Variants in CELSR1 observed in about 807,000 individuals in gnomAD.
CELSR1 encodes the protein cadherin EGF LAG seven-pass G-type receptor 1.
Under a neutral mutation model 249.1 loss-of-function variants are expected in CELSR1, and 110 were observed. The observed-to-expected ratio is 0.44, with a 90% CI of 0.38 to 0.52. CELSR1 has a LOEUF of 0.52. CELSR1 is among the 20% of genes least tolerant of loss of function. CELSR1 has a pLI of 0.00. For synonymous variants in CELSR1, 2,113 were observed against 1,900.0 expected (o/e 1.11, Z -2.92); for missense variants, 4,109 against 4,296.4 (o/e 0.96, Z 1.22).
chr22:46,419,290 C>T (rs563296051), intron 5 of CELSR1, among the ~76,000 whole-genome samples: 2 of 152,314 alleles, frequency 1.3e-5, no homozygotes, highest in African/African-American at 2.4e-5. Context: ...TGAGATACAG[C>T]GCCTTCTTGG....
intron 4 of CELSR1, among the ~76,000 whole-genome samples, chr22:46,435,659 C>T (rs1004192081): frequency 1.3e-5 from 2 of 152,110 alleles, no homozygotes; most frequent in Non-Finnish European, 2.9e-5. Flanking sequence ...ACCAGATCGT[C>T]CACATTTCCA....
chr22:46,443,001 G>A (rs2079771143), intron 2 of CELSR1, among the ~76,000 whole-genome samples: 1 of 152,204 alleles, frequency 6.6e-6, no homozygotes, highest in African/African-American at 2.4e-5. Flanking sequence ...AGGAGGCTGA[G>A]GCAGGAGAAT....
Position 46,391,529 on chromosome 22 carries a change from C to A in CELSR1, c.6148+104G>T, listed in dbSNP as rs1602067331. On this transcript the variant is annotated intron_variant, in intron 15 of 34. Coordinates refer to ENST00000674500, the MANE Select transcript of CELSR1 (RefSeq NM_001378328.1). The surrounding 1 kb of genome is among the most constrained non-coding windows in gnomAD (Gnocchi z 4.3). Reference sequence around the variant, plus strand: ...CAAGAGAACTCAGAACACGAGGGAGCCCAGGGTCCCCCAAACACCCAGCGT... The same window carrying A: ...CAAGAGAACTCAGAACACGAGGGAGACCAGGGTCCCCCAAACACCCAGCGT... The A allele has an allele frequency of 2.3e-6, 3 of 1,319,008 alleles. No individual in the cohort carries two copies. In the South Asian group the frequency reaches 4.6e-5, roughly 20 times the overall value. The allele number at this position is 1,319,008 out of a possible 1,614,324, so 81.7% of individuals were successfully genotyped here. A position where few individuals can be genotyped will look rare whatever the true frequency, so the allele number is the denominator to read the frequency against.
chr22:46,469,693 T>G (rs1569186431), intron 1 of CELSR1, among the ~76,000 whole-genome samples: 1 of 151,736 alleles, frequency 6.6e-6, no homozygotes, highest in East Asian at 2.0e-4. Context: ...TTTTTGTATT[T>G]TTAGTAGACG....
intron 1 of CELSR1, among the ~76,000 whole-genome samples, chr22:46,508,670 G>A (rs756841731): frequency 5.3e-5 from 8 of 152,134 alleles, no homozygotes; most frequent in Admixed American, 1.3e-4. Context: ...CCCATGGCGC[G>A]TCGCCTTCCA....
intron 1 of CELSR1, among the ~76,000 whole-genome samples, chr22:46,522,831 A>G (rs1232917017): frequency 3.3e-5 from 5 of 152,194 alleles, no homozygotes; most frequent in Non-Finnish European, 7.4e-5. Flanking sequence ...GCGTCAGGCA[A>G]TCTGAACGGG....
chr22:46,391,647 G>A lies in CELSR1; in HGVS notation c.6134C>T (p.Thr2045Met), dbSNP rs12169391. 1.7e-3 allele frequency: 2,796 copies of A among 1,603,540 alleles called. 51 individuals carry two copies. In the African/African-American group the frequency reaches 0.032, roughly 18 times the overall value. The change falls in exon 15 of 35, where the codon ACG (threonine) becomes ATG (methionine). Residue 2045 changes from threonine (T) to methionine (M), a missense_variant. Coordinates refer to ENST00000674500, the MANE Select transcript of CELSR1 (RefSeq NM_001378328.1). This position sits in a 1 kb window ranked among gnomAD's most constrained non-coding sequence, Gnocchi z 4.3. ...GCAACGCGGACCTTCACAGCCGAGC[G>A]TGGTGACCTCGGCAAACGGGTTGTC... The part of the protein sequence containing the change: ...RCDNPFAEVT[T>M]LGCEVIYNGC...
Position 46,369,774 on chromosome 22 carries a change from T to C in CELSR1, c.7790A>G (p.Tyr2597Cys), listed in dbSNP as rs1310130117. ...CAGCCAGCAGAAGTCGGGGTTCCCGTAGCCCTGGGGGTCCAGGCCGACCGC... is the reference window on the plus strand; with the variant it reads ...CAGCCAGCAGAAGTCGGGGTTCCCGCAGCCCTGGGGGTCCAGGCCGACCGC... ...GLAVGLDPQG[Y>C]GNPDFCWLSL... Residue 2597 changes from tyrosine (Y) to cysteine (C), a missense_variant, in exon 26 of 35, where the codon TAC becomes TGC. By Grantham distance (194) the Tyr-to-Cys change is radical. Coordinates refer to ENST00000674500, the MANE Select transcript of CELSR1 (RefSeq NM_001378328.1). The C allele has an allele frequency of 1.2e-6, 2 of 1,613,136 alleles. No homozygotes were observed.
At position 46,500,028 on chromosome 22, in the gene CELSR1, T is replaced by A. The variant is rs2080451306; in HGVS notation, c.3544+33599A>T. On this transcript the variant is annotated intron_variant, in intron 1 of 34. Transcript: ENST00000674500. This position sits in a 1 kb window ranked among gnomAD's most constrained non-coding sequence, Gnocchi z 4.9. The stretch of plus-strand genomic sequence containing the variant: ...TGGCTCAAGGCTCAGCGGCGACCTC[T>A]CCCGCTTATCTTCCCAAACGGGTTG... 6.6e-6 allele frequency among the ~76,000 whole-genome samples: 1 copy of A among 151,996 alleles called. No homozygotes were observed.
intron 1 of CELSR1, among the ~76,000 whole-genome samples, chr22:46,496,082 T>C (rs2080410443): frequency 6.6e-6 from 1 of 151,072 alleles, no homozygotes; most frequent in Admixed American, 6.6e-5. Context: ...TAATCCTAGC[T>C]ACTCGGGAGG....
intron 1 of CELSR1, chr22:46,481,249 A>AAT (rs55954176): frequency 1.6e-5 from 6 of 376,030 alleles, no homozygotes; most frequent in Non-Finnish European, 3.0e-5. Context: ...TCTCAAAAAA[A>AAT]AAAAAGACTA....
Position 46,436,220 on chromosome 22 carries a change from G to C in CELSR1, c.4476C>G (p.Ile1492Met). The change falls in exon 4 of 35, where the codon ATC becomes ATG. Residue 1492 changes from isoleucine to methionine, a missense_variant. Physicochemically the swap from Ile to Met is conservative, Grantham distance 10. Transcript: ENST00000674500. The surrounding 1 kb of genome is among the most constrained non-coding windows in gnomAD (Gnocchi z 5.9). Reference protein sequence around the residue: ...NGRFNEKHDFIALEIVDEQVQ... With the variant: ...NGRFNEKHDFMALEIVDEQVQ... ...CCTGCTCGTCCACGATCTCCAGGGC[G>C]ATGAAGTCGTGCTTCTCATTGAAGC... 1 of 1,614,114 alleles carries C rather than the reference G, an allele frequency of 6.2e-7. No individual in the cohort carries two copies. The highest frequency in any genetic ancestry group is 8.5e-7 in the Non-Finnish European group (1 of 1,180,010).
At chr22:46,364,359 C>T in intron 33 of CELSR1, 108 bp from the exon 34 acceptor site, 1 of 1,526,782 alleles carries the variant, frequency 6.5e-7, no homozygotes, top group Non-Finnish European at 8.8e-7. Flanking sequence ...CCTCCTGGTT[C>T]CCCGGGTCCC....
intron 1 of CELSR1, among the ~76,000 whole-genome samples, chr22:46,476,606 A>G (rs983622644): frequency 2.7e-4 from 41 of 152,066 alleles, no homozygotes; most frequent in Non-Finnish European, 5.0e-4. Flanking sequence ...AAAAAAAAAA[A>G]AAAAAAAGAG....
intron 2 of CELSR1, among the ~76,000 whole-genome samples, chr22:46,451,086 G>A (rs550461485): frequency 6.6e-6 from 1 of 152,226 alleles, no homozygotes; most frequent in East Asian, 1.9e-4. Flanking sequence ...GGGAACTGCT[G>A]TCTGTCAGCA....
intron 9 of CELSR1, among the ~76,000 whole-genome samples, chr22:46,403,863 C>T (rs1414027394): frequency 6.7e-6 from 1 of 148,216 alleles, no homozygotes. Context: ...ATTCCAGCTA[C>T]TAAGGAGGCT....
At position 46,472,610 on chromosome 22, in the gene CELSR1, G is replaced by A. The variant is rs1205904801; in HGVS notation, c.3545-8265C>T. On this transcript the variant is annotated intron_variant, in intron 1 of 34. Coordinates refer to ENST00000674500, the MANE Select transcript of CELSR1 (RefSeq NM_001378328.1). The surrounding 1 kb of genome is among the most constrained non-coding windows in gnomAD (Gnocchi z 7.0). ...AAAAGCAGCAAAACCAGCAAGGCAT[G>A]GGGACGGGTGGCATCAGCTCCCGGG... 6.6e-6 allele frequency among the ~76,000 whole-genome samples: 1 copy of A among 152,252 alleles called. No homozygotes were observed. The highest frequency in any genetic ancestry group is 1.5e-5 in the Non-Finnish European group (1 of 68,040).
Position 46,391,423 on chromosome 22 carries a change from C to T in CELSR1, c.6149-136G>A, listed in dbSNP as rs1350057893. 3.3e-6 allele frequency: 3 copies of T among 905,960 alleles called. No individual in the cohort carries two copies. The highest frequency in any genetic ancestry group is 4.9e-6 in the Non-Finnish European group (3 of 607,094). The allele number at this position is 905,960 out of a possible 1,614,324, so 56.1% of individuals were successfully genotyped here. A position where few individuals can be genotyped will look rare whatever the true frequency, so the allele number is the denominator to read the frequency against. On this transcript the variant is annotated intron_variant, in intron 15 of 34. Coordinates refer to ENST00000674500, the MANE Select transcript of CELSR1 (RefSeq NM_001378328.1). This position sits in a 1 kb window ranked among gnomAD's most constrained non-coding sequence, Gnocchi z 4.3. ...GAACCGAACCCTAGCATCTCCCCTGCCCCCATCCATGTCAGAGCTGGAGAG... is the reference window on the plus strand; with the variant it reads ...GAACCGAACCCTAGCATCTCCCCTGTCCCCATCCATGTCAGAGCTGGAGAG...
At chr22:46,492,711 A>G (rs188913836) in intron 1 of CELSR1, among the ~76,000 whole-genome samples, 1 of 152,240 alleles carries the variant, frequency 6.6e-6, no homozygotes, top group African/African-American at 2.4e-5. Flanking sequence ...GCTACTTGGG[A>G]GGCTGAGGCA....
Sources: allele counts gnomAD v4.1 joint callset (sites outside exome capture counted in the v4.1 genomes callset), GRCh38; gene constraint gnomAD v4.1.1; non-coding constraint Gnocchi (gnomAD v3.1); transcripts MANE v1.5; gene names NCBI Gene and HGNC (gene_info 2026-07-23, HGNC 2026-07-21).